DYNC2H1: variants seen among roughly 807,000 people sequenced by gnomAD.
DYNC2H1 encodes the protein cytoplasmic dynein 2 heavy chain 1.
In DYNC2H1, 410 loss-of-function variants were observed where a neutral mutation model predicts 570.0. The observed-to-expected ratio is 0.72, with a 90% confidence interval of 0.66 to 0.78. The LOEUF (loss-of-function observed/expected upper bound fraction) is 0.78, where lower values mean the gene tolerates loss of function less well. Among genes scored for constraint, DYNC2H1 ranks in the 30% least tolerant of loss-of-function variants. The pLI is 0.00. For synonymous variants in DYNC2H1, 1,688 were observed against 1,677.6 expected, an observed-to-expected ratio of 1.01 and a Z score of -0.15; for missense variants, 4,865 against 5,046.4, an observed-to-expected ratio of 0.96 and a Z score of 1.09.
intron 17 of DYNC2H1, among the ~76,000 whole-genome samples, chr11:103,138,306 A>G (rs920405397): frequency 2.6e-5 from 4 of 151,680 alleles, no homozygotes; most frequent in African/African-American, 7.3e-5. Context: ...GTCTTGTGCC[A>G]GTTTTCAAAG....
chr11:103,287,915 A>G (rs547433234), intron 75 of DYNC2H1, among the ~76,000 whole-genome samples: 49 of 152,250 alleles, frequency 3.2e-4, no homozygotes, highest in African/African-American at 1.2e-3. Flanking sequence ...CCGGAGTTTT[A>G]TTATTACTCA....
intron 43 of DYNC2H1, among the ~76,000 whole-genome samples, 165 bp from the exon 44 acceptor site, chr11:103,188,331 AT>A (rs1352981012): frequency 1.3e-5 from 2 of 152,030 alleles, no homozygotes; most frequent in African/African-American, 2.4e-5. Flanking sequence ...GAACAGTATT[AT>A]TTTTCAGTGA....
At chr11:103,371,410 T>G (rs140780044) in intron 83 of DYNC2H1, among the ~76,000 whole-genome samples, 2,038 of 152,230 alleles carry the variant, frequency 0.013, 46 homozygotes, top group African/African-American at 0.047. Context: ...TAACGAGAGC[T>G]TCTCAAATCT....
chr11:103,405,797 C>A (rs1028565635), intron 84 of DYNC2H1: 1 of 151,818 alleles, frequency 6.6e-6, no homozygotes, highest in Non-Finnish European at 1.5e-5. Context: ...GTTCTGATGT[C>A]TTTGTGGGTA....
At chr11:103,146,438 T>A (rs1478600539) in intron 18 of DYNC2H1, among the ~76,000 whole-genome samples, 2 of 152,206 alleles carry the variant, frequency 1.3e-5, no homozygotes, top group Non-Finnish European at 2.9e-5. Context: ...AATTACTCAT[T>A]TAAAAACTTT....
intron 63 of DYNC2H1, among the ~76,000 whole-genome samples, chr11:103,242,326 A>G (rs538394571): frequency 6.6e-6 from 1 of 152,308 alleles, no homozygotes; most frequent in East Asian, 1.9e-4. Context: ...ATAACAGTAT[A>G]CTGTAATAAA....
intron 82 of DYNC2H1, among the ~76,000 whole-genome samples, chr11:103,348,316 T>C (rs545280438): frequency 6.6e-6 from 1 of 152,324 alleles, no homozygotes; most frequent in South Asian, 2.1e-4. Flanking sequence ...TTAATTAGCA[T>C]TCAGTAAACA....
chr11:103,273,486 G>A (rs1865788184), intron 70 of DYNC2H1, among the ~76,000 whole-genome samples: 1 of 152,178 alleles, frequency 6.6e-6, no homozygotes, highest in Non-Finnish European at 1.5e-5. Flanking sequence ...ATGGCACCCA[G>A]CCCCTTAATT....
At chr11:103,247,799 T>C (rs909817190) in intron 65 of DYNC2H1, among the ~76,000 whole-genome samples, 1 of 152,040 alleles carries the variant, frequency 6.6e-6, no homozygotes, top group East Asian at 1.9e-4. Flanking sequence ...TCCAATGCTA[T>C]AGATTGCCAG....
At chr11:103,266,361 G>C (rs1467412055) in intron 70 of DYNC2H1, among the ~76,000 whole-genome samples, 1 of 152,094 alleles carries the variant, frequency 6.6e-6, no homozygotes, top group Non-Finnish European at 1.5e-5. Flanking sequence ...GTTGGCTCAA[G>C]GGCAGGGCCC....
chr11:103,358,758 A>G (rs188137666), intron 83 of DYNC2H1, among the ~76,000 whole-genome samples: 20 of 152,214 alleles, frequency 1.3e-4, no homozygotes, highest in Non-Finnish European at 1.0e-4. Flanking sequence ...CAATTCATGC[A>G]GTTCTTAAAA....
chr11:103,212,872 A>G (rs1485305171), intron 54 of DYNC2H1, among the ~76,000 whole-genome samples: 1 of 152,134 alleles, frequency 6.6e-6, no homozygotes, highest in Non-Finnish European at 1.5e-5. Flanking sequence ...ACTTTAACTT[A>G]CTGTTTTGCA....
In DYNC2H1 at chr11:103,299,819, T is replaced by C. The variant is rs141160688; in HGVS notation, c.11096-3274T>C. ...AGTTTTTGATTGAATAACCAGGGCTTAGGATTCTTGAAAGAGGTATCTTTA... is the reference window on the plus strand; with the variant it reads ...AGTTTTTGATTGAATAACCAGGGCTCAGGATTCTTGAAAGAGGTATCTTTA... On this transcript the variant is annotated intron_variant, in intron 75 of 88. Coordinates refer to ENST00000375735, the MANE Select transcript of DYNC2H1 (RefSeq NM_001377.3). The surrounding 1 kb of genome is among the most constrained non-coding windows in gnomAD (Gnocchi z 4.5). Among the ~76,000 whole-genome samples the C allele has an allele frequency of 2.7e-4, 41 of 152,230 alleles. No individual in the cohort carries two copies. The highest frequency in any genetic ancestry group is 4.4e-5 in the Non-Finnish European group (3 of 67,986).
intron 57 of DYNC2H1, 80 bp from the exon 58 acceptor site, chr11:103,221,950 A>C: frequency 6.8e-7 from 1 of 1,461,688 alleles, no homozygotes; most frequent in Non-Finnish European, 9.4e-7. Flanking sequence ...TATTGCATAC[A>C]CCATTTTGTT....
At chr11:103,367,781 A>G (rs1940977597) in intron 83 of DYNC2H1, among the ~76,000 whole-genome samples, 1 of 152,018 alleles carries the variant, frequency 6.6e-6, no homozygotes, top group Non-Finnish European at 1.5e-5. Flanking sequence ...TCCCCTCCAC[A>G]GTTTCTAGTA....
intron 12 of DYNC2H1, among the ~76,000 whole-genome samples, chr11:103,126,032 C>T (rs902534104): frequency 1.3e-5 from 2 of 152,064 alleles, no homozygotes; most frequent in Admixed American, 6.6e-5. Flanking sequence ...TAATACTGCT[C>T]ATATTGTGTC....
chr11:103,240,878 T>C (rs1046758015), intron 63 of DYNC2H1, among the ~76,000 whole-genome samples: 7 of 152,202 alleles, frequency 4.6e-5, no homozygotes, highest in African/African-American at 1.7e-4. Flanking sequence ...AAGCTGATCA[T>C]GATCAGACAG....
intron 84 of DYNC2H1, among the ~76,000 whole-genome samples, chr11:103,419,788 G>A (rs1943416808): frequency 6.6e-6 from 1 of 152,092 alleles, no homozygotes; most frequent in African/African-American, 2.4e-5. Context: ...GGCTGAGATG[G>A]CGGAATTGAC....
At position 103,222,037 on chromosome 11, in the gene DYNC2H1, G is replaced by T. The variant is rs747224916; in HGVS notation, c.9115G>T (p.Ala3039Ser). The change falls in exon 58 of 89, where the codon GCA becomes TCA. Residue 3039 changes from alanine (A) to serine (S), a missense_variant. Around this residue, in one of 5 missense-constraint regions of DYNC2H1, gnomAD observed 2,401 missense variants for 2,454.6 expected, o/e 0.98. Coordinates refer to ENST00000375735, the MANE Select transcript of DYNC2H1 (RefSeq NM_001377.3). ...AATATGCTTTAATTTTAGTTTCCTT[G>T]CAAAAAGAGGTGTAAGAGAAGACAT... ...TSWVSMKSFL[A>S]KRGVREDIAT... 6.2e-7 allele frequency: 1 copy of T among 1,606,000 alleles called. No individual in the cohort carries two copies. Among genetic ancestry groups the T allele is most frequent in the South Asian group, 1.1e-5 (1 of 88,942 alleles).
Sources: allele counts gnomAD v4.1 joint callset (sites outside exome capture counted in the v4.1 genomes callset), GRCh38; gene constraint gnomAD v4.1.1; regional missense constraint gnomAD v4.1.1; non-coding constraint Gnocchi (gnomAD v3.1); transcripts MANE v1.5; gene names NCBI Gene and HGNC (gene_info 2026-07-23, HGNC 2026-07-21).